The following FLT3 variants were observed in gnomAD, a reference collection of about 807,000 sequenced individuals.
FLT3 encodes the protein receptor-type tyrosine-protein kinase FLT3.
In FLT3, 46 loss-of-function variants were observed where a neutral mutation model predicts 126.6. The ratio of observed to expected loss-of-function variants is 0.36; its 90% CI spans 0.29 to 0.46. The LOEUF is 0.46. Among genes scored for constraint, FLT3 ranks in the 20% least tolerant of loss-of-function variants. The pLI, the probability that FLT3 is intolerant of heterozygous loss-of-function variation, is 1.00. For missense variants in FLT3, 1,069 were observed against 1,190.3 expected (o/e 0.90, Z 1.50); for synonymous variants, 404 against 434.4 (o/e 0.93, Z 0.87).
chr13:28,021,581 T>C (rs896714662), intron 19 of FLT3, among the ~76,000 whole-genome samples: 2 of 152,078 alleles, frequency 1.3e-5, no homozygotes, highest in African/African-American at 4.8e-5. Context: ...AAACTTGTAT[T>C]ATTATTGCTT....
In FLT3 at chr13:28,034,230, G is replaced by C. The variant is rs2137676498; in HGVS notation, c.1705-16C>G. On this transcript the variant is annotated splice_polypyrimidine_tract_variant and intron_variant, in intron 13 of 23. Coordinates refer to ENST00000241453, the MANE Select transcript of FLT3 (RefSeq NM_004119.3). ...ACCTAAATTGCTTCAGAGATGAAATGATGAGTCAGTTAGGAATAGGCAGTT... is the reference window on the plus strand; with the variant it reads ...ACCTAAATTGCTTCAGAGATGAAATCATGAGTCAGTTAGGAATAGGCAGTT... 1 of 1,613,884 alleles carries C rather than the reference G, an allele frequency of 6.2e-7. No individual in the cohort carries two copies. Among genetic ancestry groups the C allele is most frequent in the East Asian group, 2.2e-5 (1 of 44,882 alleles).
At chr13:28,013,403 A>T (rs889025239) in intron 23 of FLT3, among the ~76,000 whole-genome samples, 2 of 152,224 alleles carry the variant, frequency 1.3e-5, no homozygotes, top group African/African-American at 4.8e-5. Context: ...GAGATTTGTT[A>T]ATCACATATT....
rs565428441 is a variant in FLT3 at position 28,099,248 on chromosome 13, T to A, written c.43+1220A>T. On this transcript the variant is annotated intron_variant, in intron 1 of 23. Coordinates refer to ENST00000241453, the MANE Select transcript of FLT3 (RefSeq NM_004119.3). Reference sequence around the variant, plus strand: ...TCTGAAAAATGCACTTACTACTTAATATCATACATAATAGAAAGCTAACAT... The same window carrying A: ...TCTGAAAAATGCACTTACTACTTAAAATCATACATAATAGAAAGCTAACAT... 1.9e-3 allele frequency among the ~76,000 whole-genome samples: 297 copies of A among 152,310 alleles called. 1 individual carries two copies. Among genetic ancestry groups the A allele is most frequent in the African/African-American group, 6.9e-3 (285 of 41,568 alleles).
Position 28,036,339 on chromosome 13 carries a change from G to T in FLT3, c.1310-296C>A, listed in dbSNP as rs371373884. On this transcript the variant is annotated intron_variant, in intron 10 of 23. Coordinates refer to ENST00000241453, the MANE Select transcript of FLT3 (RefSeq NM_004119.3). ...CATTTAGGATGCCTCCAGACCTCTGGTAATTTCTTCTTTCCTCCTTGCCAT... is the reference window on the plus strand; with the variant it reads ...CATTTAGGATGCCTCCAGACCTCTGTTAATTTCTTCTTTCCTCCTTGCCAT... 5.3e-5 allele frequency among the ~76,000 whole-genome samples: 8 copies of T among 152,278 alleles called. No homozygotes were observed. The East Asian group carries it at 1.3e-3, about 26-fold the overall frequency.
intron 9 of FLT3, among the ~76,000 whole-genome samples, chr13:28,040,465 G>T (rs1160198208): frequency 6.6e-6 from 1 of 152,116 alleles, no homozygotes; most frequent in Non-Finnish European, 1.5e-5. Context: ...ACTTTGGGAG[G>T]CTGAGATGGG....
intron 1 of FLT3, among the ~76,000 whole-genome samples, chr13:28,073,587 G>A (rs1044978030): frequency 6.6e-6 from 1 of 151,868 alleles, no homozygotes; most frequent in African/African-American, 2.4e-5. Flanking sequence ...CACATTAAAA[G>A]TATACAATTT....
At chr13:28,094,506 T>C (rs1230226525) in intron 1 of FLT3, among the ~76,000 whole-genome samples, 1 of 152,164 alleles carries the variant, frequency 6.6e-6, no homozygotes, top group Non-Finnish European at 1.5e-5. Context: ...TCCTTTCTTT[T>C]TTCTTTTTTT....
chr13:28,053,128 G>C (rs1204020975), intron 4 of FLT3, among the ~76,000 whole-genome samples: 1 of 151,850 alleles, frequency 6.6e-6, no homozygotes, highest in East Asian at 1.9e-4. Flanking sequence ...AGTTGGAATT[G>C]CAACAGAACT....
chr13:28,088,136 T>G (rs1343054706), intron 1 of FLT3, among the ~76,000 whole-genome samples: 1 of 152,208 alleles, frequency 6.6e-6, no homozygotes, highest in Non-Finnish European at 1.5e-5. Flanking sequence ...AACTTTTTTC[T>G]GGGATGCAAT....
At chr13:28,049,798 T>G (rs745820761) in intron 6 of FLT3, 24 bp from the exon 7 acceptor site, 6 of 1,587,822 alleles carry the variant, frequency 3.8e-6, no homozygotes, top group Non-Finnish European at 5.1e-6. Flanking sequence ...ACATCCCAAG[T>G]GAGAAAAAAA....
At chr13:28,019,785 G>A (rs1383112537) in intron 19 of FLT3, among the ~76,000 whole-genome samples, 1 of 152,196 alleles carries the variant, frequency 6.6e-6, no homozygotes, top group African/African-American at 2.4e-5. Context: ...TCCCGCTTCT[G>A]GTCCTCCCTC....
intron 9 of FLT3, among the ~76,000 whole-genome samples, chr13:28,038,294 T>C (rs1400362049): frequency 6.6e-6 from 1 of 152,048 alleles, no homozygotes; most frequent in Non-Finnish European, 1.5e-5. Context: ...TGTTGGATGG[T>C]GCAGGAGAGG....
At chr13:28,079,843 G>C (rs1878203515) in intron 1 of FLT3, among the ~76,000 whole-genome samples, 1 of 152,078 alleles carries the variant, frequency 6.6e-6, no homozygotes, top group Non-Finnish European at 1.5e-5. Flanking sequence ...TTGAGATTTG[G>C]GTGGAGACAC....
Position 28,049,372 on chromosome 13 carries a change from A to T in FLT3, c.1036+12T>A. 4 of 1,609,250 alleles carry T rather than the reference A, an allele frequency of 2.5e-6. No individual in the cohort carries two copies. The highest frequency in any genetic ancestry group is 3.4e-6 in the Non-Finnish European group (4 of 1,177,736). ...AAATAGGAATAAAGATTGTGTGAGC[A>T]GCCTGCATTACCTACGATGGTAACC... On this transcript the variant is annotated intron_variant, in intron 8 of 23. Coordinates refer to ENST00000241453, the MANE Select transcript of FLT3 (RefSeq NM_004119.3).
intron 18 of FLT3, among the ~76,000 whole-genome samples, chr13:28,024,266 G>A (rs2137642602): frequency 6.6e-6 from 1 of 151,898 alleles, no homozygotes; most frequent in South Asian, 2.1e-4. Context: ...CAAGTAGCTG[G>A]GATTGCAGGC....
At chr13:28,086,160 T>C (rs1340632608) in intron 1 of FLT3, among the ~76,000 whole-genome samples, 1 of 152,230 alleles carries the variant, frequency 6.6e-6, no homozygotes, top group Non-Finnish European at 1.5e-5. Flanking sequence ...TTTTATTCTT[T>C]CTTCTCTTTT....
intron 3 of FLT3, among the ~76,000 whole-genome samples, chr13:28,058,231 A>AC (rs1876213693): frequency 7.0e-6 from 1 of 143,372 alleles, no homozygotes; most frequent in East Asian, 2.4e-4. Flanking sequence ...AAAAAAAAAA[A>AC]CGGCCAGGTA....
intron 1 of FLT3, among the ~76,000 whole-genome samples, chr13:28,082,314 C>G (rs1233131383): frequency 6.6e-6 from 1 of 152,128 alleles, no homozygotes; most frequent in Non-Finnish European, 1.5e-5. Flanking sequence ...CCACACTCAG[C>G]TAATTTTTAA....
chr13:28,052,404 G>T lies in FLT3; in HGVS notation c.614+141C>A, dbSNP rs538552811. ...AGCCACTTCACCCGGCCCTATACTG[G>T]CCATTTTTTAACTTTAAGAAGCCAA... On this transcript the variant is annotated intron_variant, in intron 5 of 23. Coordinates refer to ENST00000241453, the MANE Select transcript of FLT3 (RefSeq NM_004119.3). 8.8e-6 allele frequency: 7 copies of T among 795,168 alleles called. No individual in the cohort carries two copies. The African/African-American group carries it at 1.2e-4, about 14-fold the overall frequency. The allele number at this position is 795,168 out of a possible 1,614,324, so 49.3% of individuals were successfully genotyped here.
Sources: gnomAD v4.1 joint callset for allele counts (sites outside exome capture counted in the v4.1 genomes callset) on GRCh38, gnomAD v4.1.1 for gene constraint, MANE v1.5 for transcripts, NCBI Gene and HGNC (gene_info 2026-07-23, HGNC 2026-07-21) for gene names.